Variants in MARCHF1 observed in about 807,000 individuals in gnomAD.
The protein encoded by MARCHF1 is E3 ubiquitin-protein ligase MARCHF1.
A neutral mutation model predicts 54.2 loss-of-function variants in MARCHF1; 40 were observed. The ratio of observed to expected loss-of-function variants is 0.74; its 90% CI spans 0.57 to 0.96. The LOEUF (loss-of-function observed/expected upper bound fraction) is 0.96, where lower values mean the gene tolerates loss of function less well. Among genes scored for constraint, MARCHF1 ranks in the 40% least tolerant of loss-of-function variants. The probability of loss-of-function intolerance (pLI) is 0.00; values close to 1 mark genes in which losing one functional copy is unlikely to be tolerated. For missense variants in MARCHF1, 586 were observed against 656.5 expected (o/e 0.89, Z 1.17); for synonymous variants, 236 against 236.3 (o/e 1.00, Z 0.01).
At chr4:163,734,433 G>A (rs978977349) in intron 4 of MARCHF1, among the ~76,000 whole-genome samples, 4 of 151,768 alleles carry the variant, frequency 2.6e-5, no homozygotes, top group Admixed American at 6.6e-5. Flanking sequence ...ACTAAATACC[G>A]GTGAAATTTC....
intron 3 of MARCHF1, among the ~76,000 whole-genome samples, chr4:163,877,754 T>C (rs1750324949): frequency 6.6e-6 from 1 of 152,140 alleles, no homozygotes; most frequent in African/African-American, 2.4e-5. Context: ...ACAGCTACCA[T>C]CTTGGATCTC....
At chr4:164,354,452 G>A (rs1730452924) in intron 1 of MARCHF1, among the ~76,000 whole-genome samples, 5 of 132,718 alleles carry the variant, frequency 3.8e-5, no homozygotes, top group Admixed American at 7.5e-5. Flanking sequence ...TGCAAGGCTG[G>A]TTCAATATAC....
intron 1 of MARCHF1, among the ~76,000 whole-genome samples, chr4:164,179,360 G>T: frequency 6.6e-6 from 1 of 152,070 alleles, no homozygotes; most frequent in Middle Eastern, 3.4e-3. Flanking sequence ...ATTTCATTTA[G>T]CATTAATTTC....
At chr4:163,726,685 A>G (rs1745663923) in intron 4 of MARCHF1, among the ~76,000 whole-genome samples, 1 of 152,244 alleles carries the variant, frequency 6.6e-6, no homozygotes. Flanking sequence ...CTCACAAACT[A>G]TCTTCTAAAT....
At chr4:164,142,403 T>C (rs1368156475) in intron 1 of MARCHF1, among the ~76,000 whole-genome samples, 1 of 152,180 alleles carries the variant, frequency 6.6e-6, no homozygotes, top group Non-Finnish European at 1.5e-5. Context: ...CAGTAACCTC[T>C]GCAGACTTAA....
At chr4:163,654,695 G>C (rs1743079827) in intron 5 of MARCHF1, among the ~76,000 whole-genome samples, 1 of 151,564 alleles carries the variant, frequency 6.6e-6, no homozygotes, top group Non-Finnish European at 1.5e-5. Context: ...TTATTGGCCT[G>C]TTATTTATTT....
At chr4:164,148,457 T>C (rs1340745690) in intron 1 of MARCHF1, among the ~76,000 whole-genome samples, 1 of 152,112 alleles carries the variant, frequency 6.6e-6, no homozygotes, top group Non-Finnish European at 1.5e-5. Flanking sequence ...AATTAATCTT[T>C]ATCCCATTCT....
intron 3 of MARCHF1, among the ~76,000 whole-genome samples, chr4:163,899,158 T>A (rs566225963): frequency 6.6e-6 from 1 of 152,280 alleles, no homozygotes; most frequent in East Asian, 1.9e-4. Context: ...CATATATACC[T>A]TCTGAATCCA....
chr4:163,783,708 C>T (rs1043674927), intron 4 of MARCHF1, among the ~76,000 whole-genome samples: 9 of 152,162 alleles, frequency 5.9e-5, no homozygotes, highest in African/African-American at 2.2e-4. Context: ...GTTTGAGGTA[C>T]AGGAGCAATT....
chr4:164,239,944 G>C (rs931210409), intron 1 of MARCHF1, among the ~76,000 whole-genome samples: 1 of 152,120 alleles, frequency 6.6e-6, no homozygotes, highest in Non-Finnish European at 1.5e-5. Context: ...GCATTGATAA[G>C]TACATGCTTA....
chr4:164,189,359 A>G, intron 1 of MARCHF1: 1 of 620,458 alleles, frequency 1.6e-6, no homozygotes, highest in South Asian at 2.1e-5. Context: ...GCCAAATTTT[A>G]AGAGCTAAAC....
At chr4:164,007,345 CAAAAAAAAAAAAAAA>C (rs56306052) in intron 2 of MARCHF1, among the ~76,000 whole-genome samples, 1 of 81,794 alleles carries the variant, frequency 1.2e-5, no homozygotes, top group African/African-American at 6.0e-5. Flanking sequence ...GACTCCATCT[CAAAAAAAAAAAAAAA>C]AAAAAAAAAA....
chr4:164,188,287 A>G (rs2073230690), intron 1 of MARCHF1: 1 of 306,584 alleles, frequency 3.3e-6, no homozygotes, highest in African/African-American at 2.1e-5. Context: ...GTGTTTCGCA[A>G]TTGTGAGAGG....
At chr4:163,966,496 A>C (rs1341769895) in intron 3 of MARCHF1, among the ~76,000 whole-genome samples, 1 of 152,120 alleles carries the variant, frequency 6.6e-6, no homozygotes, top group Non-Finnish European at 1.5e-5. Context: ...CAGCATTAAA[A>C]AATGAATGAG....
chr4:164,040,319 T>A (rs140822882), intron 2 of MARCHF1, among the ~76,000 whole-genome samples: 1 of 125,666 alleles, frequency 8.0e-6, no homozygotes, highest in Non-Finnish European at 1.6e-5. Context: ...CTTATAAATA[T>A]GTATAAATAC....
chr4:163,575,961 A>G (rs1052780026), intron 8 of MARCHF1, among the ~76,000 whole-genome samples: 2 of 151,812 alleles, frequency 1.3e-5, no homozygotes. Flanking sequence ...TTAGTGGCCT[A>G]TTGACCTTGT....
intron 2 of MARCHF1, among the ~76,000 whole-genome samples, chr4:164,068,109 T>A (rs1579506868): frequency 6.6e-6 from 1 of 152,230 alleles, no homozygotes; most frequent in Non-Finnish European, 1.5e-5. Flanking sequence ...GGAACACTTA[T>A]ACACTATCGG....
chr4:163,622,000 C>T (rs1378469156), intron 5 of MARCHF1, among the ~76,000 whole-genome samples: 1 of 152,026 alleles, frequency 6.6e-6, no homozygotes, highest in East Asian at 1.9e-4. Flanking sequence ...GTGACTGAGG[C>T]AGATGGACCT....
In MARCHF1 at chr4:163,925,259, C is replaced by T. The variant is rs147176738; in HGVS notation, c.-39+63242G>A. ...AAAACAATAAGGTTTTATTCATACC[C>T]GAAGCCATTCAGAGTAGAACCCCAG... On this transcript the variant is annotated intron_variant, in intron 3 of 9. Transcript: ENST00000514618. 1.1e-4 allele frequency among the ~76,000 whole-genome samples: 17 copies of T among 151,852 alleles called. No individual in the cohort carries two copies. The East Asian group carries it at 1.7e-3, about 16-fold the overall frequency.
Sources: allele counts gnomAD v4.1 joint callset (sites outside exome capture counted in the v4.1 genomes callset), GRCh38; gene constraint gnomAD v4.1.1; transcripts MANE v1.5; gene names NCBI Gene and HGNC (gene_info 2026-07-23, HGNC 2026-07-21).